The following GYS1 variants were observed in gnomAD, a reference collection of about 807,000 sequenced individuals.
GYS1 encodes the protein glycogen [starch] synthase, muscle.
GYS1 carries 60 observed loss-of-function variants against 89.1 expected under a neutral mutation model. That is an observed-to-expected ratio of 0.67 (90% CI 0.55 to 0.84). The LOEUF (loss-of-function observed/expected upper bound fraction) is 0.84, where lower values mean the gene tolerates loss of function less well. Among genes scored for constraint, GYS1 ranks in the 40% least tolerant of loss-of-function variants. GYS1 has a pLI of 0.00. For synonymous variants in GYS1, 366 were observed against 401.7 expected (o/e 0.91, Z 1.06); for missense variants, 888 against 1,003.1 (o/e 0.89, Z 1.55).
chr19:48,971,555 C>CTT (rs201952082), intron 12 of GYS1, among the ~76,000 whole-genome samples: 3 of 144,714 alleles, frequency 2.1e-5, no homozygotes, highest in South Asian at 2.2e-4. Flanking sequence ...GATTTTTATG[C>CTT]TTTTTTTTTT....
At chr19:48,979,411 G>A (rs780899435) in intron 8 of GYS1, among the ~76,000 whole-genome samples, 5 of 124,182 alleles carry the variant, frequency 4.0e-5, no homozygotes, top group East Asian at 4.9e-4. Flanking sequence ...CCAGGATGGC[G>A]CAATCTCGGC....
chr19:48,979,176 T>G (rs560948861), intron 8 of GYS1, among the ~76,000 whole-genome samples: 1 of 151,976 alleles, frequency 6.6e-6, no homozygotes, highest in Non-Finnish European at 1.5e-5. Context: ...CCCCATTTTA[T>G]ACGAAAAGAA....
Position 48,971,006 on chromosome 19 carries a change from C to T in GYS1, c.1567G>A (p.Gly523Arg). Residue 523 changes from glycine (G) to arginine (R), a missense_variant, in exon 13 of 16, where the codon GGA (glycine) becomes AGA (arginine). Transcript: ENST00000323798. ...AGATTGGTGGAGATACTGGGGATTC[C>T]CATAACCGTGCACTCAGCTGCGGGA... is the stretch of plus-strand genomic sequence containing the variant. Reference protein sequence around the residue: ...GYTPAECTVMGIPSISTNLSG... With the variant: ...GYTPAECTVMRIPSISTNLSG... 1 of 1,613,564 alleles carries T rather than the reference C, an allele frequency of 6.2e-7. No individual in the cohort carries two copies. The highest frequency in any genetic ancestry group is 8.5e-7 in the Non-Finnish European group (1 of 1,179,520).
rs572347870 is a variant in GYS1, at chr19:48,993,282, C to G, written c.-170G>C. The G allele has an allele frequency of 1.4e-5, 10 of 706,254 alleles. No individual in the cohort carries two copies. The highest frequency in any genetic ancestry group is 2.3e-5 in the Non-Finnish European group (9 of 384,426). The allele number at this position is 706,254 out of a possible 1,614,324, so 43.7% of individuals were successfully genotyped here. On this transcript the variant is annotated 5_prime_UTR_variant, in exon 1 of 16. Transcript: ENST00000323798. The stretch of plus-strand genomic sequence containing the variant: ...CACCCCTGCCCCGAAGCGTTGGGAC[C>G]TAGGCAGAAGGAGGCCGCAGCGTCA...
Position 48,986,040 on chromosome 19 carries a change from G to A in GYS1, c.493-5C>T, listed in dbSNP as rs749965992. The A allele has an allele frequency of 6.2e-7, 1 of 1,613,658 alleles. No individual in the cohort carries two copies. On this transcript the variant is annotated splice_region_variant and splice_polypyrimidine_tract_variant and intron_variant, in intron 3 of 15. Transcript: ENST00000323798. ...CTCCTCACTCTGTGCCAGGAACTGT[G>A]GGCAACAGGGACAGGGCCACTGTCT...
At chr19:48,987,865 A>T (rs973014964) in intron 2 of GYS1, among the ~76,000 whole-genome samples, 3 of 151,332 alleles carry the variant, frequency 2.0e-5, no homozygotes, top group African/African-American at 7.3e-5. Flanking sequence ...CCGTGGCATG[A>T]TCTCGGCTCA....
At chr19:48,970,279 C>A (rs1026655142) in intron 14 of GYS1, 4 of 487,476 alleles carry the variant, frequency 8.2e-6, no homozygotes, top group Non-Finnish European at 1.5e-5. Context: ...CACGCACCAT[C>A]ACGCTCGGCT....
At position 48,982,731 on chromosome 19, in the gene GYS1, GC is replaced by G. The variant is rs2122509664; in HGVS notation, c.929del (p.Gly310AlafsTer46). On this transcript the variant is annotated frameshift_variant, in exon 6 of 16. Coordinates refer to ENST00000323798, the MANE Select transcript of GYS1 (RefSeq NM_002103.5). LOFTEE classifies it high-confidence loss of function. ...SKARIQEFVR[G>X]HFYGHLDFNL... ...TATGCCCCACGTACCCATAAAAATGGCCCCGCACAAACTCCTGGATTCGAGC... is the reference window on the plus strand; with the variant it reads ...TATGCCCCACGTACCCATAAAAATGGCCCGCACAAACTCCTGGATTCGAGC... 1 of 1,606,908 alleles carries G rather than the reference GC, an allele frequency of 6.2e-7. No individual in the cohort carries two copies. Among genetic ancestry groups the G allele is most frequent in the Non-Finnish European group, 8.5e-7 (1 of 1,173,530 alleles).
chr19:48,973,175 T>C (rs1425976791), intron 12 of GYS1, among the ~76,000 whole-genome samples: 6 of 152,128 alleles, frequency 3.9e-5, no homozygotes, highest in African/African-American at 1.4e-4. Flanking sequence ...TGTTCGTTTT[T>C]CCTGCACCCT....
intron 12 of GYS1, among the ~76,000 whole-genome samples, chr19:48,971,318 C>T (rs553512503): frequency 6.6e-6 from 1 of 152,286 alleles, no homozygotes; most frequent in Non-Finnish European, 1.5e-5. Context: ...ACTTAACTCT[C>T]ACAACCTGTA....
chr19:48,987,002 GAGTAA>G (rs1568624754), intron 3 of GYS1, among the ~76,000 whole-genome samples, 187 bp downstream of exon 3: 2 of 152,200 alleles, frequency 1.3e-5, no homozygotes, highest in Admixed American at 6.5e-5. Flanking sequence ...TGGAAGACTA[GAGTAA>G]ATGAAGTTGG....
At chr19:48,986,732 C>T (rs112599002) in intron 3 of GYS1, among the ~76,000 whole-genome samples, 2 of 152,010 alleles carry the variant, frequency 1.3e-5, no homozygotes, top group Non-Finnish European at 2.9e-5. Flanking sequence ...CCTGGCCTCA[C>T]GTGATCTTCC....
chr19:48,972,952 G>A (rs1361492460), intron 12 of GYS1, among the ~76,000 whole-genome samples: 1 of 152,064 alleles, frequency 6.6e-6, no homozygotes, highest in African/African-American at 2.4e-5. Context: ...TGGCAACAGA[G>A]TAATAACCCC....
rs138435946 is a variant in GYS1 at position 48,992,848 on chromosome 19, G to A, written c.118+147C>T. On this transcript the variant is annotated intron_variant, in intron 1 of 15. Coordinates refer to ENST00000323798, the MANE Select transcript of GYS1 (RefSeq NM_002103.5). ...ACCATCCCTCTCCCACCCACCTCCG[G>A]CTTCCCAGCCCCTCCTCAAGGACAC... 6.2e-3 allele frequency: 4,152 copies of A among 665,798 alleles called. 227 individuals carry two copies. The Admixed American group carries it at 0.085, about 14-fold the overall frequency. The allele number at this position is 665,798 out of a possible 1,614,324, so 41.2% of individuals were successfully genotyped here. A position where few individuals can be genotyped will look rare whatever the true frequency, so the allele number is the denominator to read the frequency against.
rs781618580 is a variant in GYS1 at position 48,970,600 on chromosome 19, C to T, written c.1755G>A (p.Gln585=). Reference sequence around the variant, plus strand: ...CGGAGAGGCGCTCCGTGCGGTTCCGCTGGATGATACGCTGCCGCCGGCTCT... The same window carrying T: ...CGGAGAGGCGCTCCGTGCGGTTCCGTTGGATGATACGCTGCCGCCGGCTCT... ...CQQSRRQRII[Q]RNRTERLSDL... is the part of the protein sequence containing the mutation. Residue 585 remains glutamine, a synonymous_variant, in exon 14 of 16, where the codon CAG becomes CAA. Coordinates refer to ENST00000323798, the MANE Select transcript of GYS1 (RefSeq NM_002103.5). The T allele has an allele frequency of 9.9e-6, 16 of 1,613,984 alleles. No individual in the cohort carries two copies. The highest frequency in any genetic ancestry group is 1.4e-5 in the Non-Finnish European group (16 of 1,179,970).
chr19:48,980,460 C>T (rs1286635198), intron 8 of GYS1, among the ~76,000 whole-genome samples: 1 of 152,054 alleles, frequency 6.6e-6, no homozygotes, highest in South Asian at 2.1e-4. Context: ...TCAAGACCAG[C>T]CTGGTCAACG....
Position 48,993,009 on chromosome 19 carries a change from T to C in GYS1, c.104A>G (p.Glu35Gly). 1 of 1,605,532 alleles carries C rather than the reference T, an allele frequency of 6.2e-7. No individual in the cohort carries two copies. Among genetic ancestry groups the C allele is most frequent in the Non-Finnish European group, 8.5e-7 (1 of 1,172,248 alleles). ...GGCGTGCTCACCCTTGTTAGCCACC[T>C]CCCAGGCCACTTCGAAGAGCACTGC... ...ENAVLFEVAW[E>G]VANKVGGIYT... Residue 35 changes from glutamate to glycine, a missense_variant, in exon 1 of 16, where the codon GAG becomes GGG. By Grantham distance (98) the Glu-to-Gly change is moderately conservative. Coordinates refer to ENST00000323798, the MANE Select transcript of GYS1 (RefSeq NM_002103.5).
At chr19:48,989,998 T>TGGGGGGGG in intron 2 of GYS1, among the ~76,000 whole-genome samples, 1 of 49,646 alleles carries the variant, frequency 2.0e-5, no homozygotes, top group African/African-American at 9.9e-5. Context: ...GCCCTTTTGC[T>TGGGGGGGG]GGGGGGGGGG....
rs1268188559 is a variant in GYS1 at position 48,968,155 on chromosome 19, C to T, written c.*1133G>A. 2 of 446,204 alleles carry T rather than the reference C, an allele frequency of 4.5e-6. No homozygotes were observed. Among genetic ancestry groups the T allele is most frequent in the Admixed American group, 2.5e-5 (1 of 40,294 alleles). 27.6% of individuals were successfully genotyped at this position (446,204 alleles called of 1,614,324 possible). ...TTCTTAAATATAGATGTATTTTTTT[C>T]ATCTCATCTCCGGACACACTCCAAT... On this transcript the variant is annotated 3_prime_UTR_variant, in exon 16 of 16. Coordinates refer to ENST00000323798, the MANE Select transcript of GYS1 (RefSeq NM_002103.5).
Sources: gnomAD v4.1 joint callset for allele counts (sites outside exome capture counted in the v4.1 genomes callset) on GRCh38, gnomAD v4.1.1 for gene constraint, MANE v1.5 for transcripts, NCBI Gene and HGNC (gene_info 2026-07-23, HGNC 2026-07-21) for gene names.